ARHGEF26: variants seen among roughly 807,000 people sequenced by gnomAD.
The protein encoded by ARHGEF26 is Rho guanine nucleotide exchange factor 26, also known as Rho guanine nucleotide exchange factor (GEF) 26.
In ARHGEF26, 59 loss-of-function variants were observed where a neutral mutation model predicts 89.4. The observed-to-expected ratio is 0.66, with a 90% CI of 0.54 to 0.82. The LOEUF is 0.82. Among genes scored for constraint, ARHGEF26 ranks in the 40% least tolerant of loss-of-function variants. The probability of loss-of-function intolerance (pLI) is 0.00; values close to 1 mark genes in which losing one functional copy is unlikely to be tolerated. For missense variants in ARHGEF26, 1,234 were observed against 1,085.6 expected (o/e 1.14, Z -1.92); for synonymous variants, 500 against 428.4 (o/e 1.17, Z -2.06).
At chr3:154,124,119 A>T (rs1560036443) in intron 2 of ARHGEF26, among the ~76,000 whole-genome samples, 1 of 152,234 alleles carries the variant, frequency 6.6e-6, no homozygotes, top group Non-Finnish European at 1.5e-5. Flanking sequence ...AGTGATGGTG[A>T]ATCACGAGTT....
In ARHGEF26 at chr3:154,168,796, G is replaced by A. The variant is rs555648648; in HGVS notation, c.1487+15864G>A. Among the ~76,000 whole-genome samples the A allele has an allele frequency of 1.3e-4, 20 of 151,708 alleles. No homozygotes were observed. The East Asian group carries it at 3.1e-3, about 24-fold the overall frequency. ...TGTCCCACTTTTCTTTAAAAACAGC[G>A]TGCTGACTGTATATGCGATTCTGCC... On this transcript the variant is annotated intron_variant, in intron 6 of 14. Coordinates refer to ENST00000465093, the MANE Select transcript of ARHGEF26 (RefSeq NM_015595.4).
rs966167576 is a variant in ARHGEF26 at position 154,166,325 on chromosome 3, C to T, written c.1487+13393C>T. 1.1e-4 allele frequency among the ~76,000 whole-genome samples: 16 copies of T among 152,286 alleles called. No individual in the cohort carries two copies. In the East Asian group the frequency reaches 2.7e-3, roughly 26 times the overall value. ...TTGGCCTCCCAAAATGCTGGGATTACAGGCATGAGCCACTGTGCCCAGCCA... is the reference window on the plus strand; with the variant it reads ...TTGGCCTCCCAAAATGCTGGGATTATAGGCATGAGCCACTGTGCCCAGCCA... On this transcript the variant is annotated intron_variant, in intron 6 of 14. Coordinates refer to ENST00000465093, the MANE Select transcript of ARHGEF26 (RefSeq NM_015595.4).
Position 154,255,313 on chromosome 3 carries a change from C to T in ARHGEF26, c.2474-18C>T, listed in dbSNP as rs745344924. The T allele has an allele frequency of 3.1e-6, 5 of 1,608,354 alleles. No homozygotes were observed. Among genetic ancestry groups the T allele is most frequent in the East Asian group, 2.2e-5 (1 of 44,850 alleles). ...CCAAATACTTGTTGTTTGGTGTGGA[C>T]TCTGTTCTTTTTCACAGGCTGGTAT... On this transcript the variant is annotated intron_variant, in intron 14 of 14. Coordinates refer to ENST00000465093, the MANE Select transcript of ARHGEF26 (RefSeq NM_015595.4).
intron 6 of ARHGEF26, among the ~76,000 whole-genome samples, chr3:154,169,775 A>G (rs1712298287): frequency 6.6e-6 from 1 of 152,230 alleles, no homozygotes; most frequent in Non-Finnish European, 1.5e-5. Flanking sequence ...TATACATTAA[A>G]TAAGGTGTTT....
intron 13 of ARHGEF26, among the ~76,000 whole-genome samples, chr3:154,254,504 T>C (rs1718357810): frequency 6.6e-6 from 1 of 152,162 alleles, no homozygotes; most frequent in Non-Finnish European, 1.5e-5. Context: ...TCATGCATCA[T>C]AAAAGGCCTC....
Position 154,256,090 on chromosome 3 carries a change from GC to G in ARHGEF26, c.*619del. On this transcript the variant is annotated 3_prime_UTR_variant, in exon 15 of 15. Transcript: ENST00000465093. ...TTCCTCATTAGAAGGAAAGTAGAAA[GC>G]CTTACTTTAGGATTTTTAAAAAAAA... is the stretch of plus-strand genomic sequence containing the variant. 1 of 985,276 alleles carries G rather than the reference GC, an allele frequency of 1.0e-6. No individual in the cohort carries two copies. The highest frequency in any genetic ancestry group is 1.1e-4 in the East Asian group (1 of 8,782). The allele number at this position is 985,276 out of a possible 1,614,324, so 61.0% of individuals were successfully genotyped here.
chr3:154,237,194 A>G (rs1213530889), intron 11 of ARHGEF26, among the ~76,000 whole-genome samples: 1 of 152,192 alleles, frequency 6.6e-6, no homozygotes, highest in Non-Finnish European at 1.5e-5. Flanking sequence ...ACATTTTAAA[A>G]AAGTATCTAC....
At chr3:154,168,734 C>T (rs564759684) in intron 6 of ARHGEF26, among the ~76,000 whole-genome samples, 1 of 152,184 alleles carries the variant, frequency 6.6e-6, no homozygotes, top group African/African-American at 2.4e-5. Context: ...CTAGCATTTC[C>T]TTATGTAGAT....
intron 4 of ARHGEF26, among the ~76,000 whole-genome samples, chr3:154,133,179 G>A (rs1346511919): frequency 1.3e-5 from 2 of 152,110 alleles, no homozygotes; most frequent in Non-Finnish European, 2.9e-5. Flanking sequence ...AGATCTTTAA[G>A]CCTTGAGTCT....
At chr3:154,141,604 T>C (rs775010388) in intron 4 of ARHGEF26, among the ~76,000 whole-genome samples, 6 of 152,218 alleles carry the variant, frequency 3.9e-5, no homozygotes, top group Non-Finnish European at 7.3e-5. Context: ...TTATACATCA[T>C]GGAGTGGACA....
chr3:154,236,473 G>A (rs763300344), intron 11 of ARHGEF26, among the ~76,000 whole-genome samples: 3 of 152,200 alleles, frequency 2.0e-5, no homozygotes, highest in African/African-American at 4.8e-5. Flanking sequence ...AAGGAAAGAT[G>A]GTTTTTCCAT....
chr3:154,130,178 G>T (rs1317850458), intron 4 of ARHGEF26, among the ~76,000 whole-genome samples: 6 of 95,746 alleles, frequency 6.3e-5, no homozygotes, highest in Non-Finnish European at 9.4e-5. Flanking sequence ...ATGAGGTCTT[G>T]CTCTGTCGCC....
chr3:154,148,458 TG>T (rs1719820225), intron 4 of ARHGEF26, among the ~76,000 whole-genome samples: 1 of 152,206 alleles, frequency 6.6e-6, no homozygotes. Context: ...ACTTTAGTTG[TG>T]GGTTTGCCCT....
intron 4 of ARHGEF26, among the ~76,000 whole-genome samples, chr3:154,135,331 C>T (rs1265440604): frequency 6.6e-6 from 1 of 152,108 alleles, no homozygotes; most frequent in East Asian, 1.9e-4. Flanking sequence ...ACGAATTTAT[C>T]CATTTCTTCT....
intron 13 of ARHGEF26, 49 bp from the exon 14 acceptor site, chr3:154,254,669 CAT>C (rs1047175021): frequency 1.5e-4 from 212 of 1,405,116 alleles, no homozygotes; most frequent in Non-Finnish European, 2.0e-4. Flanking sequence ...TTGGATTGCA[CAT>C]GTTTTTTCTC....
intron 3 of ARHGEF26, 34 bp from the exon 4 acceptor site, chr3:154,129,540 C>G (rs1279881675): frequency 6.3e-7 from 1 of 1,598,234 alleles, no homozygotes; most frequent in Non-Finnish European, 8.5e-7. Context: ...TGATTGAGAA[C>G]AATTAGTGAC....
intron 9 of ARHGEF26, among the ~76,000 whole-genome samples, chr3:154,209,893 A>G (rs1715259220): frequency 6.6e-6 from 1 of 152,180 alleles, no homozygotes; most frequent in South Asian, 2.1e-4. Context: ...CAAACGGTCT[A>G]AAGTCTAAAA....
At chr3:154,246,890 G>A (rs1217111879) in intron 12 of ARHGEF26, among the ~76,000 whole-genome samples, 1 of 152,182 alleles carries the variant, frequency 6.6e-6, no homozygotes, top group Non-Finnish European at 1.5e-5. Context: ...GGCGTGAGCT[G>A]CTAGCTTGAG....
chr3:154,238,578 A>G (rs1212573599), intron 11 of ARHGEF26, among the ~76,000 whole-genome samples: 1 of 152,202 alleles, frequency 6.6e-6, no homozygotes, highest in Non-Finnish European at 1.5e-5. Flanking sequence ...CTCCTAGTGT[A>G]CTGGACTAGG....
Sources: allele counts gnomAD v4.1 joint callset (sites outside exome capture counted in the v4.1 genomes callset), GRCh38; gene constraint gnomAD v4.1.1; transcripts MANE v1.5; gene names NCBI Gene and HGNC (gene_info 2026-07-23, HGNC 2026-07-21).